SLC6A18: variants seen among roughly 807,000 people sequenced by gnomAD.
SLC6A18 encodes the protein inactive sodium-dependent neutral amino acid transporter B(0)AT3.
SLC6A18 carries 58 observed loss-of-function variants against 62.9 expected under a neutral mutation model. The ratio of observed to expected loss-of-function variants is 0.92; its 90% CI spans 0.75 to 1.15. The LOEUF is 1.15. SLC6A18 is among the 50% of genes most tolerant of loss of function. SLC6A18 has a pLI of 0.00. For missense variants in SLC6A18, 793 were observed against 836.6 expected, an observed-to-expected ratio of 0.95 and a Z score of 0.64; for synonymous variants, 382 against 365.8, an observed-to-expected ratio of 1.04 and a Z score of -0.51.
chr5:1,226,115 C>T (rs1746554884), intron 1 of SLC6A18, among the ~76,000 whole-genome samples: 2 of 152,238 alleles, frequency 1.3e-5, no homozygotes, highest in South Asian at 4.1e-4. Flanking sequence ...CCACCCCTCG[C>T]CTCCCTGGCT....
chr5:1,240,428 C>A lies in SLC6A18; in HGVS notation c.846-103C>A, dbSNP rs551122975. On this transcript the variant is annotated intron_variant, in intron 6 of 11. Transcript: ENST00000324642. ...TGGGTCAGAGAAGGGGCATCCCAGG[C>A]GGGAGAGAGGGTCAAGGAGGGAAGC... The A allele has an allele frequency of 4.6e-6, 7 of 1,525,898 alleles. No homozygotes were observed. In the African/African-American group the frequency reaches 8.2e-5, roughly 18 times the overall value. 94.5% of individuals were successfully genotyped at this position (1,525,898 alleles called of 1,614,324 possible). A position where few individuals can be genotyped will look rare whatever the true frequency, so the allele number is the denominator to read the frequency against.
At chr5:1,235,396 C>A in intron 3 of SLC6A18, 85 bp from the exon 4 acceptor site, 2 of 1,380,576 alleles carry the variant, frequency 1.4e-6, no homozygotes, top group Non-Finnish European at 2.0e-6. Flanking sequence ...GTGTTGTGAG[C>A]AGCCCAGGGA....
Position 1,237,966 on chromosome 5 carries a change from C to T in SLC6A18, c.638C>T (p.Ala213Val), listed in dbSNP as rs1018495997. The change falls in exon 5 of 12, where the codon GCT becomes GTT. Residue 213 changes from alanine to valine, a missense_variant. Physicochemically the swap from Ala to Val is moderately conservative, Grantham distance 64. Coordinates refer to ENST00000324642, the MANE Select transcript of SLC6A18 (RefSeq NM_182632.3). ...TGTTTCAAGGTGATTTACTTCACAG[C>T]TTTGTTCCCTTACCTGGTCCTGACC... Reference protein sequence around the residue: ...ETTGKVIYFTALFPYLVLTIF... With the variant: ...ETTGKVIYFTVLFPYLVLTIF... The T allele has an allele frequency of 1.9e-6, 3 of 1,614,034 alleles. No individual in the cohort carries two copies. In the African/African-American group the frequency reaches 4.0e-5, roughly 22 times the overall value.
chr5:1,230,563 A>G (rs929314897), intron 1 of SLC6A18, among the ~76,000 whole-genome samples: 1 of 152,276 alleles, frequency 6.6e-6, no homozygotes, highest in East Asian at 1.9e-4. Context: ...AACAGGGGTG[A>G]GGGCTCACCT....
chr5:1,236,131 GT>G (rs70957338), intron 4 of SLC6A18, among the ~76,000 whole-genome samples: 3 of 151,168 alleles, frequency 2.0e-5, no homozygotes, highest in Non-Finnish European at 3.0e-5. Flanking sequence ...TGCCCCATCT[GT>G]TTTTTTTTAT....
intron 6 of SLC6A18, among the ~76,000 whole-genome samples, chr5:1,239,877 T>C (rs576007105): frequency 3.3e-5 from 5 of 152,364 alleles, no homozygotes; most frequent in South Asian, 2.1e-4. Flanking sequence ...GGTGCCGACA[T>C]GAGCAGGTGC....
rs1746533536 is a variant in SLC6A18, at chr5:1,225,530, G to A, written c.53G>A (p.Arg18Lys). The A allele has an allele frequency of 6.2e-7, 1 of 1,613,524 alleles. No individual in the cohort carries two copies. Among genetic ancestry groups the A allele is most frequent in the Non-Finnish European group, 8.5e-7 (1 of 1,179,542 alleles). Residue 18 changes from arginine to lysine, a missense_variant, in exon 1 of 12, where the codon AGG (arginine) becomes AAG (lysine). Coordinates refer to ENST00000324642, the MANE Select transcript of SLC6A18 (RefSeq NM_182632.3). Reference protein sequence around the residue: ...DPAACDLGDERPKWDNKAQYL... With the variant: ...DPAACDLGDEKPKWDNKAQYL... ...GCCGCCTGCGACCTCGGGGATGAGA[G>A]GCCCAAGTGGGACAACAAGGCCCAG...
At chr5:1,227,066 C>T (rs1274017171) in intron 1 of SLC6A18, among the ~76,000 whole-genome samples, 2 of 148,188 alleles carry the variant, frequency 1.3e-5, no homozygotes, top group Non-Finnish European at 3.0e-5. Context: ...ACACCTTGCC[C>T]GCCGACCCCT....
At chr5:1,238,086 A>G in intron 5 of SLC6A18, 26 bp downstream of exon 5, 1 of 1,549,198 alleles carries the variant, frequency 6.5e-7, no homozygotes, top group Non-Finnish European at 8.9e-7. Context: ...ATCAAAGTTC[A>G]GGGCCTCCAG....
At position 1,233,804 on chromosome 5, in the gene SLC6A18, C is replaced by T. The variant is rs1017883692; in HGVS notation, c.439+916C>T. 3.3e-5 allele frequency among the ~76,000 whole-genome samples: 5 copies of T among 150,142 alleles called. No individual in the cohort carries two copies. In the East Asian group the frequency reaches 5.9e-4, roughly 18 times the overall value. ...TCGCCCAGGCTGGAGTGCAGTGGTG[C>T]TATCTTGGCTCACTGCAAGCTCTGC... is the stretch of plus-strand genomic sequence containing the variant. On this transcript the variant is annotated intron_variant, in intron 3 of 11. Transcript: ENST00000324642.
In SLC6A18 at chr5:1,239,572, C is replaced by T. The variant is rs373417129; in HGVS notation, c.845+10C>T. 24 of 1,603,916 alleles carry T rather than the reference C, an allele frequency of 1.5e-5. No homozygotes were observed. Among genetic ancestry groups the T allele is most frequent in the Middle Eastern group, 1.6e-4 (1 of 6,068 alleles). ...GTTACAACTCGCCCAGGTAGGCAGT[C>T]GGGCTCAGCTGTCCAGCCAGGGAAG... On this transcript the variant is annotated intron_variant, in intron 6 of 11. Coordinates refer to ENST00000324642, the MANE Select transcript of SLC6A18 (RefSeq NM_182632.3).
rs905292762 is a variant in SLC6A18, at chr5:1,243,427, C to T, written c.1132-128C>T. 75 of 1,098,052 alleles carry T rather than the reference C, an allele frequency of 6.8e-5. No homozygotes were observed. The highest frequency in any genetic ancestry group is 8.7e-5 in the Non-Finnish European group (66 of 758,472). 68.0% of individuals were successfully genotyped at this position (1,098,052 alleles called of 1,614,324 possible). ...TGGCCAGCCCTGAGCCACCTCAGCC[C>T]GACACCAGGAGGGGTGATGTGCACT... On this transcript the variant is annotated intron_variant, in intron 8 of 11. Transcript: ENST00000324642. The surrounding 1 kb of genome is among the most constrained non-coding windows in gnomAD (Gnocchi z 6.5).
Position 1,225,428 on chromosome 5 carries a change from T to G in SLC6A18, c.-50T>G. 2.6e-6 allele frequency: 4 copies of G among 1,559,426 alleles called. No individual in the cohort carries two copies. The highest frequency in any genetic ancestry group is 1.2e-5 in the South Asian group (1 of 85,740). On this transcript the variant is annotated 5_prime_UTR_variant, in exon 1 of 12. Coordinates refer to ENST00000324642, the MANE Select transcript of SLC6A18 (RefSeq NM_182632.3). Reference sequence around the variant, plus strand: ...CTGGAGACGGCTCTCTAGTGCTGGGTGTGGAGTGAGGCACCACCCTTGCCC... The same window carrying G: ...CTGGAGACGGCTCTCTAGTGCTGGGGGTGGAGTGAGGCACCACCCTTGCCC...
intron 3 of SLC6A18, among the ~76,000 whole-genome samples, chr5:1,233,749 A>ATTTT (rs70957337): frequency 6.5e-5 from 9 of 138,634 alleles, no homozygotes; most frequent in Non-Finnish European, 1.2e-4. Flanking sequence ...CACTCAGCTA[A>ATTTT]TTTTTTTTTT....
chr5:1,229,451 G>T (rs1746665077), intron 1 of SLC6A18, among the ~76,000 whole-genome samples: 1 of 152,126 alleles, frequency 6.6e-6, no homozygotes, highest in Non-Finnish European at 1.5e-5. Context: ...CTGACAAACT[G>T]ACCTCAGCCT....
chr5:1,230,338 G>A (rs184314525), intron 1 of SLC6A18, among the ~76,000 whole-genome samples: 193 of 152,286 alleles, frequency 1.3e-3, no homozygotes, highest in African/African-American at 4.4e-3. Flanking sequence ...TCCCTGGGGT[G>A]CCCTGGGTTT....
intron 3 of SLC6A18, among the ~76,000 whole-genome samples, chr5:1,234,322 C>G (rs1044607400): frequency 6.6e-6 from 1 of 152,192 alleles, no homozygotes; most frequent in African/African-American, 2.4e-5. Context: ...ACCTGGATGC[C>G]CTGGGCCAGA....
At chr5:1,232,166 A>C in intron 1 of SLC6A18, 53 bp from the exon 2 acceptor site, 1 of 1,548,940 alleles carries the variant, frequency 6.5e-7, no homozygotes, top group Non-Finnish European at 8.8e-7. Flanking sequence ...CCCACGCCAC[A>C]GTCCCCCCCA....
chr5:1,231,996 G>C (rs1746741790), intron 1 of SLC6A18, among the ~76,000 whole-genome samples: 1 of 152,222 alleles, frequency 6.6e-6, no homozygotes, highest in African/African-American at 2.4e-5. Flanking sequence ...CTCCCCTCCA[G>C]GGCCCTGCCC....
Sources: gnomAD v4.1 joint callset for allele counts (sites outside exome capture counted in the v4.1 genomes callset) on GRCh38, gnomAD v4.1.1 for gene constraint, Gnocchi (gnomAD v3.1) non-coding constraint, MANE v1.5 for transcripts, NCBI Gene and HGNC (gene_info 2026-07-23, HGNC 2026-07-21) for gene names.